Variants in NMBR observed in about 807,000 individuals in gnomAD.
NMBR encodes neuromedin B receptor, also known as neuromedin-B receptor.
A neutral mutation model predicts 20.5 loss-of-function variants in NMBR; 16 were observed. That is an observed-to-expected ratio of 0.78 (90% CI 0.53 to 1.19). The LOEUF is 1.19. NMBR is among the 50% of genes most tolerant of loss of function. NMBR has a pLI of 0.00. For missense variants in NMBR, 582 were observed against 499.1 expected (o/e 1.17, Z -1.58); for synonymous variants, 212 against 196.6 (o/e 1.08, Z -0.65).
chr6:142,137,423 C>G (rs1289218213), intron 1 of NMBR, among the ~76,000 whole-genome samples: 2 of 152,186 alleles, frequency 1.3e-5, no homozygotes, highest in Non-Finnish European at 2.9e-5. Flanking sequence ...TCTAGATATA[C>G]AGTCATGTAA....
intron 1 of NMBR, among the ~76,000 whole-genome samples, chr6:142,126,259 C>CTGTG (rs746197142): frequency 2.7e-5 from 4 of 149,120 alleles, no homozygotes; most frequent in South Asian, 2.1e-4. Context: ...TCCTCTCTCT[C>CTGTG]TCTGTGTGTG....
At chr6:142,124,361 G>A (rs1252480911) in intron 1 of NMBR, among the ~76,000 whole-genome samples, 1 of 151,806 alleles carries the variant, frequency 6.6e-6, no homozygotes, top group African/African-American at 2.4e-5. Context: ...TAATAAGAGT[G>A]AAAATATTGT....
intron 1 of NMBR, among the ~76,000 whole-genome samples, chr6:142,138,092 A>G (rs917756181): frequency 2.0e-5 from 3 of 152,008 alleles, no homozygotes; most frequent in African/African-American, 7.2e-5. Flanking sequence ...CTATGAAATT[A>G]TTTCAGAGAC....
chr6:142,099,390 G>A (rs1255718941), intron 1 of NMBR, among the ~76,000 whole-genome samples: 1 of 152,188 alleles, frequency 6.6e-6, no homozygotes, highest in Non-Finnish European at 1.5e-5. Context: ...CATGTCATAA[G>A]GAGAAGGCAA....
intron 1 of NMBR, among the ~76,000 whole-genome samples, chr6:142,127,914 G>A (rs1778066335): frequency 6.6e-6 from 1 of 151,886 alleles, no homozygotes; most frequent in African/African-American, 2.4e-5. Flanking sequence ...TCTCCTACTT[G>A]TATAATTATG....
At chr6:142,135,514 C>CT (rs1245743405) in intron 1 of NMBR, among the ~76,000 whole-genome samples, 1 of 151,586 alleles carries the variant, frequency 6.6e-6, no homozygotes, top group Non-Finnish European at 1.5e-5. Context: ...TATTATTATA[C>CT]TTTAAGTTTT....
intron 2 of NMBR, among the ~76,000 whole-genome samples, chr6:142,082,691 G>C (rs9484597): frequency 2.0e-4 from 31 of 152,180 alleles, no homozygotes; most frequent in African/African-American, 7.2e-4. Flanking sequence ...GCAAGGTGCA[G>C]TGCAATGGGT....
rs1255960610 is a variant in NMBR at position 142,092,695 on chromosome 6, T to C, written c.-663-3374A>G. On this transcript the variant is annotated intron_variant, in intron 1 of 3. Coordinates refer to ENST00000258042, the MANE Select transcript of NMBR (RefSeq NM_002511.4). ...TCTATCTTACTGCCTAGAGAAAGAGTTTTCAGCCCATGCACAAGGATAAGG... is the reference window on the plus strand; with the variant it reads ...TCTATCTTACTGCCTAGAGAAAGAGCTTTCAGCCCATGCACAAGGATAAGG... 7.3e-5 allele frequency among the ~76,000 whole-genome samples: 11 copies of C among 150,962 alleles called. No homozygotes were observed. In the East Asian group the frequency reaches 2.2e-3, roughly 30 times the overall value.
intron 2 of NMBR, among the ~76,000 whole-genome samples, chr6:142,080,233 A>G (rs534549945): frequency 2.5e-4 from 37 of 150,782 alleles, no homozygotes; most frequent in African/African-American, 8.5e-4. Flanking sequence ...GTTTCCTATA[A>G]GTTTTTTATG....
At chr6:142,127,457 TTTGG>T (rs1778060448) in intron 1 of NMBR, among the ~76,000 whole-genome samples, 1 of 152,064 alleles carries the variant, frequency 6.6e-6, no homozygotes, top group African/African-American at 2.4e-5. Flanking sequence ...TCAAGATTGC[TTTGG>T]TTATTTGGGA....
At chr6:142,126,757 A>ATTTTTTTTTT (rs34631481) in intron 1 of NMBR, among the ~76,000 whole-genome samples, 14 of 51,354 alleles carry the variant, frequency 2.7e-4, no homozygotes, top group African/African-American at 4.9e-4. Flanking sequence ...TATTTGAGGG[A>ATTTTTTTTTT]TTTTTTTTTT....
chr6:142,136,328 C>T (rs767767933), intron 1 of NMBR, among the ~76,000 whole-genome samples: 2 of 152,096 alleles, frequency 1.3e-5, no homozygotes, highest in Non-Finnish European at 2.9e-5. Context: ...CCTTTGCCCA[C>T]TTTTTGATGG....
intron 1 of NMBR, among the ~76,000 whole-genome samples, chr6:142,093,296 T>TC (rs986059209): frequency 1.1e-5 from 1 of 87,264 alleles, no homozygotes; most frequent in African/African-American, 4.6e-5. Context: ...ATGCTATCCC[T>TC]CCCCCCTCCC....
At chr6:142,079,087 A>T (rs1345310251) in intron 2 of NMBR, among the ~76,000 whole-genome samples, 184 bp from the exon 3 acceptor site, 1 of 91,264 alleles carries the variant, frequency 1.1e-5, no homozygotes, top group Non-Finnish European at 2.0e-5. Context: ...AAAGAAAGAA[A>T]GAGAGAAAGA....
chr6:142,134,124 C>A (rs1348342981), intron 1 of NMBR: 2 of 514,572 alleles, frequency 3.9e-6, no homozygotes, highest in Non-Finnish European at 7.0e-6. Context: ...GAGAAATACC[C>A]TAACAGGTTT....
intron 1 of NMBR, among the ~76,000 whole-genome samples, chr6:142,143,632 T>C (rs1320177235): frequency 6.6e-6 from 1 of 152,228 alleles, no homozygotes; most frequent in Non-Finnish European, 1.5e-5. Context: ...TCTTACTCAT[T>C]TGTAACTTTA....
At chr6:142,134,570 G>C (rs1778211862) in intron 1 of NMBR, 1 of 598,674 alleles carries the variant, frequency 1.7e-6, no homozygotes, top group Non-Finnish European at 2.9e-6. Context: ...CTGGTTCCTG[G>C]AGCTCTTTTC....
chr6:142,126,757 A>ATTTTTTTTTTTTTTTT (rs34631481), intron 1 of NMBR, among the ~76,000 whole-genome samples: 13 of 51,362 alleles, frequency 2.5e-4, no homozygotes, highest in South Asian at 9.1e-4. Context: ...TATTTGAGGG[A>ATTTTTTTTTTTTTTTT]TTTTTTTTTT....
intron 1 of NMBR, among the ~76,000 whole-genome samples, chr6:142,119,161 T>C (rs748250903): frequency 6.6e-6 from 1 of 151,992 alleles, no homozygotes. Flanking sequence ...GGAAATGACA[T>C]AAGCTGGCTG....
Sources: allele counts gnomAD v4.1 joint callset (sites outside exome capture counted in the v4.1 genomes callset), GRCh38; gene constraint gnomAD v4.1.1; transcripts MANE v1.5; gene names NCBI Gene and HGNC (gene_info 2026-07-23, HGNC 2026-07-21).